The following DLG1 variants were observed in gnomAD, a reference collection of about 807,000 sequenced individuals.
The protein encoded by DLG1 is discs large MAGUK scaffold protein 1, also known as disks large homolog 1.
A neutral mutation model predicts 123.4 loss-of-function variants in DLG1; 42 were observed. The observed-to-expected ratio is 0.34, with a 90% CI of 0.27 to 0.44. The LOEUF is 0.44. Ranked by LOEUF, DLG1 falls within the 20% of genes least tolerant of loss-of-function variation. DLG1 has a pLI of 1.00. For synonymous variants in DLG1, 317 were observed against 356.2 expected, an observed-to-expected ratio of 0.89 and a Z score of 1.24; for missense variants, 942 against 1,082.6, an observed-to-expected ratio of 0.87 and a Z score of 1.82.
chr3:197,076,253 G>A (rs998241792), intron 18 of DLG1, among the ~76,000 whole-genome samples: 24 of 152,154 alleles, frequency 1.6e-4, no homozygotes, highest in African/African-American at 5.6e-4. Flanking sequence ...AGCTTCTCAT[G>A]TATTCATGTT....
chr3:197,058,320 CTAA>C (rs1354166414), intron 23 of DLG1, among the ~76,000 whole-genome samples: 1 of 152,080 alleles, frequency 6.6e-6, no homozygotes, highest in Non-Finnish European at 1.5e-5. Context: ...TTCAACTTTC[CTAA>C]TATTTGATTT....
At position 197,282,791 on chromosome 3, in the gene DLG1, C is replaced by A. The variant is rs775132251; in HGVS notation, c.206G>T (p.Arg69Leu). ...TTGAATTGGTTCAGACGGCTTTGAA[C>A]GATCTATACATTTTGGATTATCCAG... ...TLLDNPKCID[R>L]SKPSEPIQPV... is the part of the protein sequence containing the mutation. The change falls in exon 4 of 25, where the codon CGT becomes CTT. Residue 69 changes from arginine to leucine, a missense_variant. Transcript: ENST00000667157. 5 of 1,608,416 alleles carry A rather than the reference C, an allele frequency of 3.1e-6. No individual in the cohort carries two copies. Among genetic ancestry groups the A allele is most frequent in the Admixed American group, 1.7e-5 (1 of 59,324 alleles).
chr3:197,145,953 G>T (rs1577051794), intron 6 of DLG1, among the ~76,000 whole-genome samples: 1 of 151,502 alleles, frequency 6.6e-6, no homozygotes, highest in Admixed American at 6.6e-5. Flanking sequence ...TTGTGCTACT[G>T]TACTCCAACC....
intron 4 of DLG1, among the ~76,000 whole-genome samples, chr3:197,219,662 A>G (rs1329412190): frequency 6.6e-6 from 1 of 152,184 alleles, no homozygotes; most frequent in Non-Finnish European, 1.5e-5. Flanking sequence ...AGATGTGGCC[A>G]TTAGGGTGTG....
intron 5 of DLG1, among the ~76,000 whole-genome samples, chr3:197,175,833 GCAAA>G (rs1806730136): frequency 6.6e-6 from 1 of 152,116 alleles, no homozygotes; most frequent in Non-Finnish European, 1.5e-5. Context: ...CAATTCTCAT[GCAAA>G]CAAACATTAC....
chr3:197,293,759 G>C (rs364644), intron 3 of DLG1: 3 of 153,290 alleles, frequency 2.0e-5, no homozygotes, highest in Non-Finnish European at 4.4e-5. Context: ...ATAACTCACT[G>C]CGGCCTAAAC....
At chr3:197,297,261 A>G (rs1414604546) in intron 1 of DLG1, 26 bp from the exon 2 acceptor site, 1 of 1,612,808 alleles carries the variant, frequency 6.2e-7, no homozygotes, top group African/African-American at 1.3e-5. Context: ...CGGAAAGGAA[A>G]AAGGATAGAA....
chr3:197,063,019 A>C (rs1736904367), intron 22 of DLG1, among the ~76,000 whole-genome samples: 1 of 152,082 alleles, frequency 6.6e-6, no homozygotes, highest in African/African-American at 2.4e-5. Flanking sequence ...CAGAACTGTA[A>C]GCCCATACAC....
intron 23 of DLG1, among the ~76,000 whole-genome samples, chr3:197,053,401 C>T (rs530069044): frequency 6.6e-6 from 1 of 152,080 alleles, no homozygotes; most frequent in African/African-American, 2.4e-5. Context: ...ATATAGGATT[C>T]TTTGTTGACA....
intron 15 of DLG1, among the ~76,000 whole-genome samples, chr3:197,089,869 T>A (rs1756753483): frequency 6.6e-6 from 1 of 152,104 alleles, no homozygotes; most frequent in Non-Finnish European, 1.5e-5. Flanking sequence ...AAAAATCTGA[T>A]GCATTTAAGA....
In DLG1 at chr3:197,043,890, G is replaced by A. The variant is rs1051385417; in HGVS notation, c.*733C>T. On this transcript the variant is annotated 3_prime_UTR_variant, in exon 25 of 25. Coordinates refer to ENST00000667157, the MANE Select transcript of DLG1 (RefSeq NM_001366207.1). The stretch of plus-strand genomic sequence containing the variant: ...CGAACTTCCTTAGCACCTGAACATG[G>A]CCTCAATTCACGAAATGTGATGATC... 6.6e-6 allele frequency: 1 copy of A among 151,970 alleles called. No homozygotes were observed. The allele number at this position is 151,970 out of a possible 1,614,324, so 9.4% of individuals were successfully genotyped here.
intron 4 of DLG1, among the ~76,000 whole-genome samples, chr3:197,204,595 A>G (rs949092948): frequency 1.3e-5 from 2 of 152,222 alleles, no homozygotes; most frequent in South Asian, 2.1e-4. Context: ...TCAGCTCTCC[A>G]TATCTGTGAG....
chr3:197,128,732 C>CA (rs1781026692), intron 11 of DLG1, among the ~76,000 whole-genome samples: 1 of 152,160 alleles, frequency 6.6e-6, no homozygotes, highest in Non-Finnish European at 1.5e-5. Flanking sequence ...GAGTGGATGA[C>CA]AAGTTAGTAA....
At chr3:197,278,951 C>T (rs985193122) in intron 4 of DLG1, among the ~76,000 whole-genome samples, 1 of 152,152 alleles carries the variant, frequency 6.6e-6, no homozygotes, top group Admixed American at 6.5e-5. Flanking sequence ...AGAATTAGTA[C>T]ACAAGTATAA....
intron 14 of DLG1, among the ~76,000 whole-genome samples, chr3:197,097,580 CT>C (rs3051908): frequency 0.021 from 2,597 of 122,772 alleles, 63 homozygotes; most frequent in African/African-American, 0.072. Flanking sequence ...TTTGTACTTT[CT>C]TTTTTTTTTT....
intron 11 of DLG1, among the ~76,000 whole-genome samples, chr3:197,127,841 A>G (rs1475814907): frequency 4.6e-5 from 7 of 152,104 alleles, no homozygotes; most frequent in Non-Finnish European, 8.8e-5. Flanking sequence ...TTATGTTTAC[A>G]CTATATTAAG....
chr3:197,059,645 C>CACTAGTCACACTAGTCACAT (rs1301610171), intron 23 of DLG1, among the ~76,000 whole-genome samples: 1 of 15,842 alleles, frequency 6.3e-5, no homozygotes, highest in Non-Finnish European at 1.4e-4. Context: ...ACTAGTCACA[C>CACTAGTCACACTAGTCACAT]GTGGGGCTAT....
At chr3:197,110,927 G>T (rs1003814608) in intron 13 of DLG1, among the ~76,000 whole-genome samples, 20 of 152,096 alleles carry the variant, frequency 1.3e-4, no homozygotes, top group African/African-American at 4.8e-4. Flanking sequence ...AGAGTTTAAG[G>T]CCTTTTCTAG....
At chr3:197,131,098 A>G (rs2149541565) in intron 10 of DLG1, among the ~76,000 whole-genome samples, 1 of 152,348 alleles carries the variant, frequency 6.6e-6, no homozygotes. Flanking sequence ...CATTGTAACA[A>G]AACAGCTGCA....
Sources: gnomAD v4.1 joint callset for allele counts (sites outside exome capture counted in the v4.1 genomes callset) on GRCh38, gnomAD v4.1.1 for gene constraint, MANE v1.5 for transcripts, NCBI Gene and HGNC (gene_info 2026-07-23, HGNC 2026-07-21) for gene names.